Variants in CREBRF observed in about 807,000 individuals in gnomAD.
The protein encoded by CREBRF is UPF0474 protein C5orf41.
Under a neutral mutation model 66.1 loss-of-function variants are expected in CREBRF, and 5 were observed. The ratio of observed to expected loss-of-function variants is 0.08; its 90% confidence interval spans 0.04 to 0.16. The LOEUF is 0.16. CREBRF is among the 10% of genes least tolerant of loss of function. The pLI, the probability that CREBRF is intolerant of heterozygous loss-of-function variation, is 1.00. For synonymous variants in CREBRF, 229 were observed against 264.4 expected (o/e 0.87, Z 1.30); for missense variants, 531 against 744.9 (o/e 0.71, Z 3.34).
rs750465383 is a variant in CREBRF, at chr5:173,086,489, A to G, written c.10-12A>G. On this transcript the variant is annotated splice_polypyrimidine_tract_variant and intron_variant, in intron 2 of 8. Coordinates refer to ENST00000296953, the MANE Select transcript of CREBRF (RefSeq NM_153607.3). ...TCTTTAACTTTCTAAAATAAAAATC[A>G]CTCTGTTGTAGCCTAGTGTAAGCGG... 1.2e-6 allele frequency: 2 copies of G among 1,609,670 alleles called. No individual in the cohort carries two copies. The highest frequency in any genetic ancestry group is 1.3e-5 in the African/African-American group (1 of 74,582).
intron 1 of CREBRF, among the ~76,000 whole-genome samples, chr5:173,063,477 C>T (rs548348320): frequency 1.3e-5 from 2 of 152,182 alleles, no homozygotes; most frequent in East Asian, 1.9e-4. Context: ...AAGCGATTTT[C>T]CTGTCTCAGC....
At chr5:173,091,459 A>T (rs764242822) in intron 4 of CREBRF, 58 bp downstream of exon 4, 1 of 1,555,252 alleles carries the variant, frequency 6.4e-7, no homozygotes, top group East Asian at 2.3e-5. Flanking sequence ...TTTGAAATAG[A>T]AAGGTTTTTG....
intron 1 of CREBRF, among the ~76,000 whole-genome samples, chr5:173,064,122 T>C (rs1414522036): frequency 1.3e-5 from 2 of 152,176 alleles, no homozygotes; most frequent in African/African-American, 2.4e-5. Context: ...TTTTCTTCAG[T>C]ATAATATTTT....
chr5:173,078,075 T>C (rs534726360), intron 1 of CREBRF, among the ~76,000 whole-genome samples: 16 of 152,362 alleles, frequency 1.1e-4, no homozygotes, highest in African/African-American at 3.8e-4. Flanking sequence ...CTTTTAGGTA[T>C]ATACCTAGGA....
At chr5:173,087,583 C>A (rs761681557) in intron 3 of CREBRF, among the ~76,000 whole-genome samples, 6 of 151,732 alleles carry the variant, frequency 4.0e-5, no homozygotes, top group Non-Finnish European at 7.4e-5. Context: ...GTAGTCCTAG[C>A]TACTCGGGAG....
chr5:173,098,768 G>T (rs114724855), intron 4 of CREBRF, among the ~76,000 whole-genome samples: 1 of 151,942 alleles, frequency 6.6e-6, no homozygotes, highest in African/African-American at 2.4e-5. Context: ...TAGGTGCTTT[G>T]ATATTGGGAG....
At chr5:173,117,935 G>A (rs548519253) in intron 7 of CREBRF, among the ~76,000 whole-genome samples, 10 of 150,128 alleles carry the variant, frequency 6.7e-5, no homozygotes, top group African/African-American at 2.2e-4. Flanking sequence ...GTGCAGTGGC[G>A]CAATCTTGGC....
chr5:173,092,256 T>C (rs999255648), intron 4 of CREBRF: 20 of 978,196 alleles, frequency 2.0e-5, no homozygotes, highest in Non-Finnish European at 2.4e-5. Context: ...ATTTTCTTTG[T>C]GTCTGCTAAC....
intron 8 of CREBRF, among the ~76,000 whole-genome samples, chr5:173,133,087 A>G (rs1478370834): frequency 6.6e-6 from 1 of 152,128 alleles, no homozygotes; most frequent in East Asian, 1.9e-4. Flanking sequence ...TGCTGCTCCC[A>G]CCTTTCTCCC....
Position 173,110,636 on chromosome 5 carries a change from A to G in CREBRF, c.1532A>G (p.Asp511Gly). 6.2e-7 allele frequency: 1 copy of G among 1,614,116 alleles called. No homozygotes were observed. Among genetic ancestry groups the G allele is most frequent in the Non-Finnish European group, 8.5e-7 (1 of 1,179,982 alleles). ...CGGAAACTGAATAAGGTGATTAGTGACCTGACTCCAGTCAGTGAGCTTCCC... is the reference window on the plus strand; with the variant it reads ...CGGAAACTGAATAAGGTGATTAGTGGCCTGACTCCAGTCAGTGAGCTTCCC... ...ELRKLNKVIS[D>G]LTPVSELPLT... Residue 511 changes from aspartate (D) to glycine (G), a missense_variant, in exon 6 of 9, where the codon GAC (aspartate) becomes GGC (glycine). Asp to Gly is a moderately conservative substitution (Grantham distance 94, BLOSUM62 -1). Around this residue, in one of 5 missense-constraint regions of CREBRF, gnomAD observed 25 missense variants for 55.3 expected, o/e 0.45. Coordinates refer to ENST00000296953, the MANE Select transcript of CREBRF (RefSeq NM_153607.3).
chr5:173,132,845 G>GACCTCAGGTGATCCGCCA (rs760628990), intron 8 of CREBRF, among the ~76,000 whole-genome samples: 6 of 150,520 alleles, frequency 4.0e-5, no homozygotes, highest in African/African-American at 7.3e-5. Flanking sequence ...GTGATCTGCC[G>GACCTCAGGTGATCCGCCA]ACCTCAGGTG....
At chr5:173,060,144 A>T (rs1474215722) in intron 1 of CREBRF, 3 of 151,956 alleles carry the variant, frequency 2.0e-5, no homozygotes, top group Non-Finnish European at 2.9e-5. Context: ...AGATAAAGAG[A>T]ACTGAAATCA....
intron 4 of CREBRF, among the ~76,000 whole-genome samples, chr5:173,107,874 C>G (rs1255428523): frequency 6.7e-6 from 1 of 149,652 alleles, no homozygotes; most frequent in Non-Finnish European, 1.5e-5. Context: ...TTCTGTTGCC[C>G]AGGCTGGAGT....
intron 5 of CREBRF, 71 bp downstream of exon 5, chr5:173,108,889 C>T (rs1758809574): frequency 2.2e-6 from 3 of 1,391,206 alleles, no homozygotes. Context: ...ATAATGTTTA[C>T]TCCGTGTACC....
At chr5:173,121,408 C>T (rs745431839) in intron 7 of CREBRF, among the ~76,000 whole-genome samples, 3 of 151,742 alleles carry the variant, frequency 2.0e-5, no homozygotes, top group Non-Finnish European at 4.4e-5. Context: ...CTGCAAGCTC[C>T]GCCTCCTGAG....
chr5:173,100,724 C>A (rs543688998), intron 4 of CREBRF, among the ~76,000 whole-genome samples: 9 of 152,214 alleles, frequency 5.9e-5, no homozygotes, highest in Non-Finnish European at 1.0e-4. Context: ...CCGCTCCCCC[C>A]CAACCCATAT....
chr5:173,121,871 T>C (rs1434652633), intron 7 of CREBRF, among the ~76,000 whole-genome samples: 3 of 151,914 alleles, frequency 2.0e-5, no homozygotes, highest in African/African-American at 4.8e-5. Context: ...TTTTTTTTAG[T>C]TGGAGATGGG....
intron 2 of CREBRF, chr5:173,085,376 G>T (rs1758113109): frequency 2.4e-6 from 3 of 1,266,946 alleles, no homozygotes; most frequent in Non-Finnish European, 3.4e-6. Context: ...GATCCTGGAG[G>T]CTCCAGGGCA....
intron 2 of CREBRF, chr5:173,086,206 T>A: frequency 1.3e-6 from 1 of 761,778 alleles, no homozygotes; most frequent in Non-Finnish European, 2.4e-6. Context: ...ATTGTCTGCA[T>A]TGCTGAAATA....
Sources: gnomAD v4.1 joint callset for allele counts (sites outside exome capture counted in the v4.1 genomes callset) on GRCh38, gnomAD v4.1.1 for gene constraint, gnomAD v4.1.1 regional missense constraint, MANE v1.5 for transcripts, NCBI Gene and HGNC (gene_info 2026-07-23, HGNC 2026-07-21) for gene names.